The following ACBD6 variants were observed in gnomAD, a reference collection of about 807,000 sequenced individuals.
The protein encoded by ACBD6 is acyl-CoA-binding domain-containing protein 6.
In ACBD6, 28 loss-of-function variants were observed where a neutral mutation model predicts 37.2. The ratio of observed to expected loss-of-function variants is 0.75; its 90% CI spans 0.56 to 1.03. The LOEUF (loss-of-function observed/expected upper bound fraction) is 1.03, where lower values mean the gene tolerates loss of function less well. Among genes scored for constraint, ACBD6 ranks in the 50% least tolerant of loss-of-function variants. ACBD6 has a pLI of 0.00. For missense variants in ACBD6, 340 were observed against 337.4 expected (o/e 1.01, Z -0.06); for synonymous variants, 113 against 126.8 (o/e 0.89, Z 0.73).
rs991689765 is a variant in ACBD6, at chr1:180,438,009, C to T, written c.385-7747G>A. ...ATACATGGCCTGTCAGGAACCTGGC[C>T]GCACAGCAGGAGATGAGTGGCGGTT... On this transcript the variant is annotated intron_variant, in intron 3 of 7. Coordinates refer to ENST00000367595, the MANE Select transcript of ACBD6 (RefSeq NM_032360.4). 4.6e-5 allele frequency among the ~76,000 whole-genome samples: 7 copies of T among 152,262 alleles called. No individual in the cohort carries two copies. In the East Asian group the frequency reaches 7.7e-4, roughly 17 times the overall value.
intron 6 of ACBD6, among the ~76,000 whole-genome samples, chr1:180,327,254 G>T (rs995375176): frequency 2.0e-5 from 3 of 152,160 alleles, no homozygotes; most frequent in Non-Finnish European, 4.4e-5. Flanking sequence ...TCTATGTGTG[G>T]GTGCTGGCTG....
At chr1:180,280,149 AC>A (rs1476429272) in intron 9 of ACBD6, among the ~76,000 whole-genome samples, 1 of 152,220 alleles carries the variant, frequency 6.6e-6, no homozygotes, top group Non-Finnish European at 1.5e-5. Flanking sequence ...AGATGGCTCT[AC>A]TGGACGGTGC....
chr1:180,283,524 G>C (rs1037566690), downstream of ACBD6, among the ~76,000 whole-genome samples: 93 of 152,178 alleles, frequency 6.1e-4, no homozygotes, highest in African/African-American at 2.0e-3. Context: ...AAAAGATTCT[G>C]TCATGCATAG....
At chr1:180,390,362 ATC>A (rs1654026009) in intron 6 of ACBD6, among the ~76,000 whole-genome samples, 1 of 147,406 alleles carries the variant, frequency 6.8e-6, no homozygotes, top group Non-Finnish European at 1.5e-5. Flanking sequence ...ATTGATCTAT[ATC>A]TCTGTTTTGG....
chr1:180,429,762 T>A (rs893512615), intron 4 of ACBD6, among the ~76,000 whole-genome samples: 2 of 152,104 alleles, frequency 1.3e-5, no homozygotes, highest in Non-Finnish European at 2.9e-5. Context: ...AAAATTAAAA[T>A]ATTTAAAATA....
chr1:180,304,024 G>A (rs1392483360), intron 7 of ACBD6, among the ~76,000 whole-genome samples: 1 of 150,886 alleles, frequency 6.6e-6, no homozygotes, highest in Non-Finnish European at 1.5e-5. Context: ...TATCTCAGTA[G>A]ATGCAGAAAA....
At chr1:180,282,972 G>GTTTTTT (rs34828086) in intron 8 of ACBD6, among the ~76,000 whole-genome samples, 15 of 110,016 alleles carry the variant, frequency 1.4e-4, no homozygotes, top group Non-Finnish European at 1.8e-4. Context: ...ATGTCTTTCT[G>GTTTTTT]TTTTTTTTTT....
At chr1:180,381,474 CA>C (rs1389069250) in intron 6 of ACBD6, among the ~76,000 whole-genome samples, 2 of 152,148 alleles carry the variant, frequency 1.3e-5, no homozygotes, top group African/African-American at 2.4e-5. Context: ...GGTCACAAAA[CA>C]AGTCTCAACA....
chr1:180,369,567 A>T (rs1653179403), intron 6 of ACBD6, among the ~76,000 whole-genome samples: 1 of 152,218 alleles, frequency 6.6e-6, no homozygotes, highest in Admixed American at 6.5e-5. Context: ...ACCTTCTACT[A>T]CAGTTTAAAG....
At chr1:180,336,768 TAAA>T (rs1260246220) in intron 6 of ACBD6, among the ~76,000 whole-genome samples, 4 of 151,286 alleles carry the variant, frequency 2.6e-5, no homozygotes, top group African/African-American at 9.7e-5. Flanking sequence ...GCAAGACTAA[TAAA>T]GAAGAAAAGA....
At chr1:180,408,528 G>A (rs1300890852) in intron 5 of ACBD6, among the ~76,000 whole-genome samples, 1 of 152,054 alleles carries the variant, frequency 6.6e-6, no homozygotes, top group East Asian at 1.9e-4. Flanking sequence ...GTGGGGTGAG[G>A]GGAGGGGGAC....
At chr1:180,430,393 A>G in intron 3 of ACBD6, 131 bp from the exon 4 acceptor site, 1 of 772,232 alleles carries the variant, frequency 1.3e-6, no homozygotes, top group East Asian at 2.7e-5. Flanking sequence ...TTCAAACCCT[A>G]GTAAAACTTT....
intron 10 of ACBD6, chr1:180,274,239 G>T (rs1467560203): frequency 1.9e-6 from 3 of 1,614,220 alleles, no homozygotes; most frequent in Non-Finnish European, 1.7e-6. Context: ...GGCAACGTGG[G>T]GGACGTTACA....
intron 7 of ACBD6, among the ~76,000 whole-genome samples, 159 bp from the exon 8 acceptor site, chr1:180,288,676 G>T (rs980820944): frequency 6.6e-6 from 1 of 152,104 alleles, no homozygotes; most frequent in African/African-American, 2.4e-5. Context: ...TGAGAACTGT[G>T]GTATTATGCT....
At chr1:180,461,779 A>C (rs1650157763) in intron 3 of ACBD6, among the ~76,000 whole-genome samples, 1 of 152,204 alleles carries the variant, frequency 6.6e-6, no homozygotes, top group South Asian at 2.1e-4. Flanking sequence ...TGAAGGAAGC[A>C]CTAAATATGA....
intron 6 of ACBD6, among the ~76,000 whole-genome samples, chr1:180,336,476 C>T (rs1325706565): frequency 6.6e-6 from 1 of 150,708 alleles, no homozygotes; most frequent in Non-Finnish European, 1.5e-5. Flanking sequence ...AGAACAAAGA[C>T]ACAACATACC....
At chr1:180,447,052 C>CA (rs1364703865) in intron 3 of ACBD6, among the ~76,000 whole-genome samples, 26 of 151,764 alleles carry the variant, frequency 1.7e-4, no homozygotes, top group Admixed American at 1.6e-3. Context: ...AACAAACAAA[C>CA]AAAAAAACCC....
chr1:180,472,353 G>A (rs760770955), intron 3 of ACBD6, among the ~76,000 whole-genome samples: 30 of 152,234 alleles, frequency 2.0e-4, no homozygotes, highest in Non-Finnish European at 3.8e-4. Flanking sequence ...CAGAGTATCA[G>A]AGGACAACAG....
downstream of ACBD6, among the ~76,000 whole-genome samples, chr1:180,284,015 C>T (rs1295758177): frequency 6.6e-6 from 1 of 152,190 alleles, no homozygotes; most frequent in Non-Finnish European, 1.5e-5. Context: ...AATAACTATA[C>T]ATGATTCATG....
Sources: allele counts gnomAD v4.1 joint callset (sites outside exome capture counted in the v4.1 genomes callset), GRCh38; gene constraint gnomAD v4.1.1; transcripts MANE v1.5; gene names NCBI Gene and HGNC (gene_info 2026-07-23, HGNC 2026-07-21).